The following ARRB1 variants were observed in gnomAD, a reference collection of about 807,000 sequenced individuals.
ARRB1 encodes the protein arrestin beta 1, also known as beta-arrestin-1.
ARRB1 carries 21 observed loss-of-function variants against 56.8 expected under a neutral mutation model. The ratio of observed to expected loss-of-function variants is 0.37; its 90% CI spans 0.26 to 0.53. The LOEUF (loss-of-function observed/expected upper bound fraction) is 0.53, where lower values mean the gene tolerates loss of function less well. Among genes scored for constraint, ARRB1 ranks in the 20% least tolerant of loss-of-function variants. The probability of loss-of-function intolerance (pLI) is 0.88; values close to 1 mark genes in which losing one functional copy is unlikely to be tolerated. For synonymous variants in ARRB1, 210 were observed against 218.6 expected (o/e 0.96, Z 0.35); for missense variants, 424 against 553.7 (o/e 0.77, Z 2.35).
At chr11:75,335,259 CTGT>C in intron 1 of ARRB1, 2 of 184,036 alleles carry the variant, frequency 1.1e-5, no homozygotes, top group South Asian at 9.9e-5. Context: ...AGGTCCAAGT[CTGT>C]CTGTCTTTCT....
At chr11:75,298,582 G>T (rs1025993982) in intron 1 of ARRB1, among the ~76,000 whole-genome samples, 1 of 152,138 alleles carries the variant, frequency 6.6e-6, no homozygotes, top group Non-Finnish European at 1.5e-5. Context: ...ATACATCGCT[G>T]GTGGGAATGG....
rs1243547001 is a variant in ARRB1, at chr11:75,306,614, G to A, written c.21-16575C>T. ...GTGAAGAGGCCAGCCCAGAAGCAGC[G>A]CCAAAGCAGTGGACTGTGAGGTGGA... is the stretch of plus-strand genomic sequence containing the variant. On this transcript the variant is annotated intron_variant, in intron 1 of 15. Coordinates refer to ENST00000420843, the MANE Select transcript of ARRB1 (RefSeq NM_004041.5). 21 of 1,289,170 alleles carry A rather than the reference G, an allele frequency of 1.6e-5. No homozygotes were observed. The East Asian group carries it at 1.7e-4, about 10-fold the overall frequency. 79.9% of individuals were successfully genotyped at this position (1,289,170 alleles called of 1,614,324 possible). A position where few individuals can be genotyped will look rare whatever the true frequency, so the allele number is the denominator to read the frequency against.
rs373139870 is a variant in ARRB1, at chr11:75,274,109, G to C, written c.879C>G (p.Leu293=). The change falls in exon 11 of 16, where the codon CTC becomes CTG. Residue 293 remains leucine (L), a synonymous_variant. Coordinates refer to ENST00000420843, the MANE Select transcript of ARRB1 (RefSeq NM_004041.5). ...AGGCCAAGTTCGTGTCTTCGTGCTT[G>C]AGCTTCCCGTCCAAGGCGAGGCCCC... The part of the protein sequence containing the change: ...EKRGLALDGK[L]KHEDTNLASS... 195 of 1,614,228 alleles carry C rather than the reference G, an allele frequency of 1.2e-4. No homozygotes were observed. The highest frequency in any genetic ancestry group is 1.6e-4 in the Non-Finnish European group (183 of 1,180,034).
At chr11:75,312,748 G>A (rs1204871281) in intron 1 of ARRB1, among the ~76,000 whole-genome samples, 1 of 151,728 alleles carries the variant, frequency 6.6e-6, no homozygotes, top group Non-Finnish European at 1.5e-5. Flanking sequence ...GGTGATGGAA[G>A]CATTGAAAGA....
Position 75,351,573 on chromosome 11 carries a change from C to A in ARRB1, c.20+15G>T. 6.7e-7 allele frequency: 1 copy of A among 1,489,366 alleles called. No homozygotes were observed. The highest frequency in any genetic ancestry group is 2.9e-5 in the East Asian group (1 of 34,974). The allele number at this position is 1,489,366 out of a possible 1,614,324, so 92.3% of individuals were successfully genotyped here. Reference sequence around the variant, plus strand: ...CCCCCACGCGCCCCCCGCCGGGCGGCCGCCCTGCACTCACCGGGTCCCTTT... The same window carrying A: ...CCCCCACGCGCCCCCCGCCGGGCGGACGCCCTGCACTCACCGGGTCCCTTT... On this transcript the variant is annotated intron_variant, in intron 1 of 15. Coordinates refer to ENST00000420843, the MANE Select transcript of ARRB1 (RefSeq NM_004041.5).
intron 14 of ARRB1, 55 bp from the exon 15 acceptor site, chr11:75,267,758 G>C (rs879896663): frequency 9.8e-6 from 15 of 1,534,988 alleles, no homozygotes; most frequent in Admixed American, 1.7e-5. Flanking sequence ...GGATGAGCAC[G>C]GGGCGAGTAA....
intron 1 of ARRB1, among the ~76,000 whole-genome samples, chr11:75,297,979 G>C (rs1051988619): frequency 2.0e-5 from 3 of 147,582 alleles, no homozygotes; most frequent in Non-Finnish European, 3.0e-5. Flanking sequence ...ATGACCTTGG[G>C]TTAAGCAATG....
intron 2 of ARRB1, among the ~76,000 whole-genome samples, chr11:75,289,164 C>G (rs988311691): frequency 1.5e-4 from 23 of 152,288 alleles, no homozygotes; most frequent in Non-Finnish European, 2.4e-4. Context: ...TTTGCCAACC[C>G]AGGCCAGCTC....
At chr11:75,278,784 C>T (rs764301595) in intron 7 of ARRB1, 40 bp from the exon 8 acceptor site, 2 of 1,569,720 alleles carry the variant, frequency 1.3e-6, no homozygotes, top group East Asian at 4.5e-5. Flanking sequence ...CCAGGGTCAC[C>T]TGCCTTCATC....
intron 1 of ARRB1, among the ~76,000 whole-genome samples, chr11:75,297,110 G>T (rs1946768307): frequency 6.6e-6 from 1 of 152,110 alleles, no homozygotes; most frequent in Admixed American, 6.6e-5. Context: ...ATACCCAAAA[G>T]AAATAAATGA....
Position 75,265,714 on chromosome 11 carries a change from C to A in ARRB1, c.*449G>T. On this transcript the variant is annotated 3_prime_UTR_variant, in exon 16 of 16. Transcript: ENST00000420843. Reference sequence around the variant, plus strand: ...CCAGCCAGAAGGAGGTGGCCTTCAACGCGGTCATCTTTTAGCTGCCAGAAC... The same window carrying A: ...CCAGCCAGAAGGAGGTGGCCTTCAAAGCGGTCATCTTTTAGCTGCCAGAAC... 5.6e-6 allele frequency: 1 copy of A among 180,136 alleles called. No individual in the cohort carries two copies. The highest frequency in any genetic ancestry group is 1.1e-4 in the South Asian group (1 of 8,754). The allele number at this position is 180,136 out of a possible 1,614,324, so 11.2% of individuals were successfully genotyped here.
At chr11:75,350,479 G>A (rs1056568378) in intron 1 of ARRB1, among the ~76,000 whole-genome samples, 1 of 152,200 alleles carries the variant, frequency 6.6e-6, no homozygotes, top group Non-Finnish European at 1.5e-5. Context: ...TTAGGGGGTG[G>A]GGAGGGCAAC....
chr11:75,287,191 G>A (rs1268223410), intron 3 of ARRB1, 124 bp downstream of exon 3: 5 of 961,074 alleles, frequency 5.2e-6, no homozygotes, highest in Non-Finnish European at 7.6e-6. Flanking sequence ...CTTGCTGCCT[G>A]AAGCAGGAAG....
intron 4 of ARRB1, among the ~76,000 whole-genome samples, chr11:75,283,698 C>A (rs1052489870): frequency 6.6e-6 from 1 of 152,298 alleles, no homozygotes; most frequent in Non-Finnish European, 1.5e-5. Context: ...GGGCTGCCTG[C>A]TGAGCCAGCT....
intron 1 of ARRB1, among the ~76,000 whole-genome samples, chr11:75,336,105 C>T (rs1947599219): frequency 6.6e-6 from 1 of 152,154 alleles, no homozygotes; most frequent in African/African-American, 2.4e-5. Flanking sequence ...CTCAGTCTGG[C>T]ATGGACAGCT....
rs754170650 is a variant in ARRB1, at chr11:75,283,534, GC to G, written c.158-52del. ...AGGGGCCTGGGAGAGCAGCAAGCGA[GC>G]CCCCCAGAGTGCCGGCAGCAGCCCT... On this transcript the variant is annotated intron_variant, in intron 4 of 15. Coordinates refer to ENST00000420843, the MANE Select transcript of ARRB1 (RefSeq NM_004041.5). The G allele has an allele frequency of 3.0e-5, 45 of 1,515,184 alleles. No homozygotes were observed. The African/African-American group carries it at 5.1e-4, about 17-fold the overall frequency. The allele number at this position is 1,515,184 out of a possible 1,614,324, so 93.9% of individuals were successfully genotyped here.
At chr11:75,314,861 C>T (rs566774453) in intron 1 of ARRB1, among the ~76,000 whole-genome samples, 9 of 152,334 alleles carry the variant, frequency 5.9e-5, no homozygotes, top group African/African-American at 1.9e-4. Flanking sequence ...CCCGCCTCGG[C>T]CTCCCAAAGT....
chr11:75,280,578 T>A (rs1052438435), intron 7 of ARRB1, among the ~76,000 whole-genome samples: 1 of 152,150 alleles, frequency 6.6e-6, no homozygotes, highest in Admixed American at 6.5e-5. Flanking sequence ...ACGCTTCCCA[T>A]CTCTTAGATG....
intron 1 of ARRB1, among the ~76,000 whole-genome samples, chr11:75,324,746 G>A (rs1947404197): frequency 2.0e-5 from 3 of 152,196 alleles, no homozygotes; most frequent in Non-Finnish European, 4.4e-5. Context: ...GACTTTGCCT[G>A]TTTGGTCCCC....
Sources: gnomAD v4.1 joint callset for allele counts (sites outside exome capture counted in the v4.1 genomes callset) on GRCh38, gnomAD v4.1.1 for gene constraint, MANE v1.5 for transcripts, NCBI Gene and HGNC (gene_info 2026-07-23, HGNC 2026-07-21) for gene names.